NXPE2: variants seen among roughly 807,000 people sequenced by gnomAD.
The protein encoded by NXPE2 is NXPE family member 2.
NXPE2 carries 34 observed loss-of-function variants against 34.4 expected under a neutral mutation model. The observed-to-expected ratio is 0.99, with a 90% CI of 0.75 to 1.31. The LOEUF is 1.31. Among genes scored for constraint, NXPE2 ranks in the 40% most tolerant of loss-of-function variants. The pLI is 0.00. For synonymous variants in NXPE2, 235 were observed against 231.3 expected, an observed-to-expected ratio of 1.02 and a Z score of -0.15; for missense variants, 649 against 672.5, an observed-to-expected ratio of 0.97 and a Z score of 0.39.
chr11:114,602,055 TATATATTATA>T, the NXPE2 span, among the ~76,000 whole-genome samples: 1 of 92,280 alleles, frequency 1.1e-5, no homozygotes, highest in Non-Finnish European at 1.9e-5. Flanking sequence ...TATTATATTA[TATATATTATA>T]ATATATATTC....
chr11:114,629,392 G>C, the NXPE2 span, among the ~76,000 whole-genome samples: 1 of 151,860 alleles, frequency 6.6e-6, no homozygotes, highest in Non-Finnish European at 1.5e-5. Context: ...ATGTAATCCA[G>C]CATATAAACA....
the NXPE2 span, among the ~76,000 whole-genome samples, chr11:114,626,386 T>C: frequency 6.6e-6 from 1 of 152,158 alleles, no homozygotes; most frequent in Non-Finnish European, 1.5e-5. Flanking sequence ...CCGAGCAGCC[T>C]AACTGGGAGG....
chr11:114,700,547 G>C (rs1951346805), intron 3 of NXPE2, among the ~76,000 whole-genome samples: 1 of 152,124 alleles, frequency 6.6e-6, no homozygotes, highest in African/African-American at 2.4e-5. Flanking sequence ...GAGAAGATGA[G>C]ATAGGGAGGC....
At chr11:114,758,525 T>C in the NXPE2 span, among the ~76,000 whole-genome samples, 3 of 152,282 alleles carry the variant, frequency 2.0e-5, no homozygotes, top group South Asian at 4.1e-4. Context: ...CTGGGATATA[T>C]GGCGATTTTT....
chr11:114,698,756 G>A lies in NXPE2; in HGVS notation c.844G>A (p.Glu282Lys), dbSNP rs1359409425. ...RTRNISYLSK[E>K]EWRLFHRSNI... Reference sequence around the variant, plus strand: ...AAGAAATATTTCCTATCTTAGCAAGGAAGAATGGAGGCTTTTCCACAGGTA... The same window carrying A: ...AAGAAATATTTCCTATCTTAGCAAGAAAGAATGGAGGCTTTTCCACAGGTA... Residue 282 changes from glutamate (E) to lysine (K), a missense_variant, in exon 3 of 6, where the codon GAA (glutamate) becomes AAA (lysine). Transcript: ENST00000389586. The A allele has an allele frequency of 6.3e-7, 1 of 1,575,578 alleles. No individual in the cohort carries two copies. The highest frequency in any genetic ancestry group is 1.2e-5 in the South Asian group (1 of 85,434).
chr11:114,782,267 C>A, the NXPE2 span, among the ~76,000 whole-genome samples: 1 of 152,182 alleles, frequency 6.6e-6, no homozygotes, highest in Non-Finnish European at 1.5e-5. Flanking sequence ...TGTATCTATT[C>A]CGCAAGGCAG....
chr11:114,636,632 G>C, the NXPE2 span, among the ~76,000 whole-genome samples: 1 of 151,934 alleles, frequency 6.6e-6, no homozygotes, highest in Non-Finnish European at 1.5e-5. Context: ...ACACTGCTTT[G>C]AATGTGTCCC....
the NXPE2 span, among the ~76,000 whole-genome samples, chr11:114,601,786 C>CATATAATAT: frequency 3.6e-5 from 2 of 56,054 alleles, no homozygotes; most frequent in Non-Finnish European, 5.6e-5. Flanking sequence ...AATTATATAA[C>CATATAATAT]ATGTGATATA....
chr11:114,759,333 G>A, the NXPE2 span, among the ~76,000 whole-genome samples: 1 of 152,196 alleles, frequency 6.6e-6, no homozygotes, highest in Admixed American at 6.5e-5. Context: ...AGCCCGTGGG[G>A]AAGCTGTTTC....
chr11:114,775,320 G>A, the NXPE2 span, among the ~76,000 whole-genome samples: 5 of 152,204 alleles, frequency 3.3e-5, no homozygotes, highest in African/African-American at 7.2e-5. Context: ...AAGGTGGGAC[G>A]AGGAGAGAAT....
chr11:114,808,346 A>G, the NXPE2 span, among the ~76,000 whole-genome samples: 1 of 151,592 alleles, frequency 6.6e-6, no homozygotes, highest in Non-Finnish European at 1.5e-5. Flanking sequence ...CTAAAATCAG[A>G]GCAGAACTGA....
At chr11:114,593,573 G>A in the NXPE2 span, among the ~76,000 whole-genome samples, 1 of 152,106 alleles carries the variant, frequency 6.6e-6, no homozygotes, top group Non-Finnish European at 1.5e-5. Context: ...TACACTGTTG[G>A]TGGGAATGTA....
At chr11:114,762,433 G>GA in the NXPE2 span, among the ~76,000 whole-genome samples, 3 of 152,196 alleles carry the variant, frequency 2.0e-5, no homozygotes, top group African/African-American at 7.2e-5. Flanking sequence ...ACAAATAAGA[G>GA]AAAATTAAAA....
At chr11:114,528,457 C>T in the NXPE2 span, among the ~76,000 whole-genome samples, 1 of 152,112 alleles carries the variant, frequency 6.6e-6, no homozygotes, top group African/African-American at 2.4e-5. Flanking sequence ...ATTTTTAATC[C>T]ACATTTCCTG....
At chr11:114,766,968 C>T in the NXPE2 span, among the ~76,000 whole-genome samples, 1 of 151,634 alleles carries the variant, frequency 6.6e-6, no homozygotes, top group Non-Finnish European at 1.5e-5. Context: ...GGAAGAATTA[C>T]ACCTTGAAAT....
At chr11:114,610,162 T>A in the NXPE2 span, among the ~76,000 whole-genome samples, 2 of 151,872 alleles carry the variant, frequency 1.3e-5, no homozygotes, top group Non-Finnish European at 2.9e-5. Context: ...AGCTAACCAC[T>A]GTTACCTGGT....
chr11:114,606,610 C>A, the NXPE2 span, among the ~76,000 whole-genome samples: 1 of 151,846 alleles, frequency 6.6e-6, no homozygotes, highest in Non-Finnish European at 1.5e-5. Flanking sequence ...ACCACTGTTA[C>A]CTGGTGGATA....
the NXPE2 span, among the ~76,000 whole-genome samples, chr11:114,721,243 G>GT: frequency 0.014 from 1,948 of 138,768 alleles, 27 homozygotes; most frequent in African/African-American, 0.031. Flanking sequence ...CTTTCTTCAG[G>GT]TTTTTTTTTT....
chr11:114,779,946 G>A, the NXPE2 span, among the ~76,000 whole-genome samples: 1 of 152,106 alleles, frequency 6.6e-6, no homozygotes, highest in Non-Finnish European at 1.5e-5. Flanking sequence ...ACACTCCAGG[G>A]AGGAAGCAGA....
Sources: allele counts gnomAD v4.1 joint callset (sites outside exome capture counted in the v4.1 genomes callset), GRCh38; gene constraint gnomAD v4.1.1; transcripts MANE v1.5; gene names NCBI Gene and HGNC (gene_info 2026-07-23, HGNC 2026-07-21).